Variants in CES5A observed in about 807,000 individuals in gnomAD.
The protein encoded by CES5A is carboxylesterase 5.
Under a neutral mutation model 62.9 loss-of-function variants are expected in CES5A, and 67 were observed. The observed-to-expected ratio is 1.07, with a 90% confidence interval of 0.88 to 1.31. The LOEUF is 1.31. Among genes scored for constraint, CES5A ranks in the 50% most tolerant of loss-of-function variants. The pLI, the probability that CES5A is intolerant of heterozygous loss-of-function variation, is 0.00. For synonymous variants in CES5A, 296 were observed against 280.8 expected (o/e 1.05, Z -0.54); for missense variants, 748 against 708.5 (o/e 1.06, Z -0.63).
chr16:55,953,714 A>G lies in CES5A; in HGVS notation c.42+2130T>C, dbSNP rs141068100. On this transcript the variant is annotated intron_variant, in intron 1 of 13. Transcript: ENST00000521992. ...GTTTTGCTTTTTAGTTTTTCTTATT[A>G]TTTTGCTTCAAATGGTATTTTATTT... 7.2e-5 allele frequency among the ~76,000 whole-genome samples: 11 copies of G among 152,182 alleles called. No individual in the cohort carries two copies. The East Asian group carries it at 1.5e-3, about 21-fold the overall frequency.
At chr16:55,856,471 A>T (rs1229695866) in intron 8 of CES5A, 26 bp from the exon 9 acceptor site, 1 of 1,611,514 alleles carries the variant, frequency 6.2e-7, no homozygotes, top group Non-Finnish European at 8.5e-7. Flanking sequence ...TGCCCTCTGT[A>T]AGCCATCTGG....
chr16:55,955,687 C>G (rs539475636), intron 1 of CES5A, among the ~76,000 whole-genome samples: 13 of 152,348 alleles, frequency 8.5e-5, no homozygotes, highest in South Asian at 2.1e-4. Context: ...CCTGGGTTCT[C>G]CTGGCAGTCA....
rs530759766 is a variant in CES5A at position 55,859,682 on chromosome 16, T to A, written c.921A>T (p.Thr307=). The A allele has an allele frequency of 3.1e-6, 5 of 1,603,782 alleles. No homozygotes were observed. The East Asian group carries it at 1.1e-4, about 36-fold the overall frequency. The change falls in exon 8 of 13, where the codon ACA becomes ACT. Residue 307 remains threonine (T), a synonymous_variant. Coordinates refer to ENST00000290567, the MANE Select transcript of CES5A (RefSeq NM_001143685.2). The part of the protein sequence containing the change: ...SKELLTLSQK[T]KSFTRVVDGA... ...CATCAACCACTCGAGTGAAAGACTT[T>A]GTTTTCTGTAATAAGGAAGAAAAAA...
At chr16:55,928,755 T>C (rs1052010629), upstream of CES5A, among the ~76,000 whole-genome samples, 8 of 152,148 alleles carry the variant, frequency 5.3e-5, no homozygotes, top group African/African-American at 1.2e-4. Flanking sequence ...GCTAAACCAA[T>C]TGAGATGTCT....
chr16:55,908,397 T>C (rs1263438628), intron 1 of CES5A, among the ~76,000 whole-genome samples: 1 of 152,168 alleles, frequency 6.6e-6, no homozygotes, highest in Non-Finnish European at 1.5e-5. Context: ...TTCGCTCTTG[T>C]TGCCCAGGCT....
chr16:55,935,718 T>C (rs546344442), intron 2 of CES5A, among the ~76,000 whole-genome samples: 2 of 152,192 alleles, frequency 1.3e-5, no homozygotes, highest in African/African-American at 4.8e-5. Context: ...TCTGGGTAGA[T>C]GTCTGTGTGT....
chr16:55,864,370 C>T (rs1200879251), intron 5 of CES5A, among the ~76,000 whole-genome samples: 1 of 152,224 alleles, frequency 6.6e-6, no homozygotes, highest in Non-Finnish European at 1.5e-5. Flanking sequence ...CAAGGAAATG[C>T]TGACCATTCT....
At chr16:55,954,732 T>G (rs1349861667) in intron 1 of CES5A, among the ~76,000 whole-genome samples, 1 of 152,062 alleles carries the variant, frequency 6.6e-6, no homozygotes, top group East Asian at 1.9e-4. Context: ...GGAAGGCCCC[T>G]CACAAAAATG....
In CES5A at chr16:55,948,679, A is replaced by G. The variant is rs76621168; in HGVS notation, c.160+1106T>C. ...GACATGCTGAGTTGAGGGTCCCAAGATTTTATTTTCCTTTCACAGTGACAA... is the reference window on the plus strand; with the variant it reads ...GACATGCTGAGTTGAGGGTCCCAAGGTTTTATTTTCCTTTCACAGTGACAA... On this transcript the variant is annotated intron_variant, in intron 2 of 13. Transcript: ENST00000521992. Among the ~76,000 whole-genome samples the G allele has an allele frequency of 6.6e-3, 1,006 of 152,202 alleles. 15 individuals carry two copies. Among genetic ancestry groups the G allele is most frequent in the African/African-American group, 0.023 (972 of 41,538 alleles).
chr16:55,930,652 C>A (rs567970581), intron 2 of CES5A, among the ~76,000 whole-genome samples: 35 of 152,342 alleles, frequency 2.3e-4, no homozygotes, highest in African/African-American at 7.0e-4. Context: ...TTCTGACTCC[C>A]TTTTGAATGG....
At chr16:55,950,806 A>G (rs2034546795) in intron 1 of CES5A, among the ~76,000 whole-genome samples, 1 of 152,102 alleles carries the variant, frequency 6.6e-6, no homozygotes, top group African/African-American at 2.4e-5. Flanking sequence ...AAGTAAATAA[A>G]AAGACCCACA....
chr16:55,937,840 A>G (rs1047505945), intron 2 of CES5A, among the ~76,000 whole-genome samples: 2 of 152,160 alleles, frequency 1.3e-5, no homozygotes, highest in Non-Finnish European at 2.9e-5. Flanking sequence ...ATTGGGCTAC[A>G]AGCTTACTGT....
chr16:55,940,293 A>T (rs1276013727), intron 2 of CES5A, among the ~76,000 whole-genome samples: 1 of 152,056 alleles, frequency 6.6e-6, no homozygotes, highest in African/African-American at 2.4e-5. Flanking sequence ...GTCTAGCAAG[A>T]CTGACAGAGA....
At chr16:55,853,092 C>G (rs2033165603) in intron 9 of CES5A, 64 bp from the exon 10 acceptor site, 3 of 1,539,952 alleles carry the variant, frequency 1.9e-6, no homozygotes, top group African/African-American at 2.7e-5. Context: ...GTTAAACACT[C>G]ACCTGTGCAG....
At chr16:55,848,885 G>T (rs947411614) in intron 11 of CES5A, among the ~76,000 whole-genome samples, 6 of 152,096 alleles carry the variant, frequency 3.9e-5, no homozygotes, top group African/African-American at 1.2e-4. Flanking sequence ...GACAACCTAG[G>T]AGGAAGTTCT....
chr16:55,879,080 A>G (rs2033733544), upstream of CES5A, among the ~76,000 whole-genome samples: 1 of 121,632 alleles, frequency 8.2e-6, no homozygotes, highest in Non-Finnish European at 1.7e-5. Flanking sequence ...CTGCACCTCC[A>G]TCATTATCCC....
intron 2 of CES5A, 105 bp downstream of exon 2, chr16:55,873,728 T>C: frequency 1.9e-6 from 2 of 1,039,962 alleles, no homozygotes; most frequent in East Asian, 2.5e-5. Context: ...CTCTCCCTCC[T>C]CCCCCATCCA....
At position 55,859,423 on chromosome 16, in the gene CES5A, G is replaced by A; in HGVS notation, c.1056+124C>T. 3 of 888,660 alleles carry A rather than the reference G, an allele frequency of 3.4e-6. No individual in the cohort carries two copies. The South Asian group carries it at 5.2e-5, about 15-fold the overall frequency. The allele number at this position is 888,660 out of a possible 1,614,324, so 55.0% of individuals were successfully genotyped here. A position where few individuals can be genotyped will look rare whatever the true frequency, so the allele number is the denominator to read the frequency against. ...CAGAGAGAGTAAAGGTGATCACTGT[G>A]TGCTTGGCTGGTGGGCTCCAGCACT... On this transcript the variant is annotated intron_variant, in intron 8 of 12. Coordinates refer to ENST00000290567, the MANE Select transcript of CES5A (RefSeq NM_001143685.2).
chr16:55,949,915 AAAT>A (rs1192749282), intron 1 of CES5A: 134 of 1,158,314 alleles, frequency 1.2e-4, no homozygotes, highest in South Asian at 2.1e-4. Context: ...GGAAAAAAAG[AAAT>A]AATAATAATA....
Sources: allele counts gnomAD v4.1 joint callset (sites outside exome capture counted in the v4.1 genomes callset), GRCh38; gene constraint gnomAD v4.1.1; transcripts MANE v1.5; gene names NCBI Gene and HGNC (gene_info 2026-07-23, HGNC 2026-07-21).